CDYL: variants seen among roughly 807,000 people sequenced by gnomAD.
The protein encoded by CDYL is chromodomain Y-like protein.
A neutral mutation model predicts 47.3 loss-of-function variants in CDYL; 8 were observed. The observed-to-expected ratio is 0.17, with a 90% CI of 0.10 to 0.31. CDYL has a LOEUF of 0.31. Ranked by LOEUF, CDYL falls within the 10% of genes least tolerant of loss-of-function variation. CDYL has a pLI of 1.00. For missense variants in CDYL, 471 were observed against 701.4 expected, an observed-to-expected ratio of 0.67 and a Z score of 3.71; for synonymous variants, 266 against 265.0, an observed-to-expected ratio of 1.00 and a Z score of -0.04.
intron 1 of CDYL, among the ~76,000 whole-genome samples, chr6:4,805,104 T>C (rs1296895898): frequency 6.6e-6 from 1 of 152,194 alleles, no homozygotes; most frequent in Non-Finnish European, 1.5e-5. Context: ...TGAATAGGAA[T>C]AATATATAAA....
intron 4 of CDYL, among the ~76,000 whole-genome samples, chr6:4,941,654 C>G (rs1758363034): frequency 6.6e-6 from 1 of 152,202 alleles, no homozygotes; most frequent in Admixed American, 6.5e-5. Context: ...TTTCGACTTA[C>G]CAATATCTAT....
intron 1 of CDYL, among the ~76,000 whole-genome samples, chr6:4,831,563 CTCT>C (rs1760145000): frequency 6.6e-6 from 1 of 152,068 alleles, no homozygotes; most frequent in African/African-American, 2.4e-5. Flanking sequence ...GCGATGCGGG[CTCT>C]TTTTTGGTTC....
At chr6:4,880,801 A>T (rs1047677205) in intron 1 of CDYL, among the ~76,000 whole-genome samples, 1 of 152,064 alleles carries the variant, frequency 6.6e-6, no homozygotes, top group African/African-American at 2.4e-5. Flanking sequence ...ACATCTTTTC[A>T]TGTTTATTTG....
chr6:4,879,005 A>G (rs1002253864), intron 1 of CDYL, among the ~76,000 whole-genome samples: 1 of 152,062 alleles, frequency 6.6e-6, no homozygotes, highest in Non-Finnish European at 1.5e-5. Context: ...TTATTTCTAG[A>G]TATGATATTG....
At chr6:4,937,054 TC>T (rs1003597227) in intron 3 of CDYL, among the ~76,000 whole-genome samples, 1 of 152,198 alleles carries the variant, frequency 6.6e-6, no homozygotes, top group African/African-American at 2.4e-5. Flanking sequence ...ATGCAGATTC[TC>T]CAGTAATAAA....
At chr6:4,878,824 GT>G (rs1304610079) in intron 1 of CDYL, among the ~76,000 whole-genome samples, 1 of 150,350 alleles carries the variant, frequency 6.7e-6, no homozygotes, top group South Asian at 2.1e-4. Flanking sequence ...TTATTTTTCT[GT>G]TTTTTTCAAG....
intron 1 of CDYL, among the ~76,000 whole-genome samples, chr6:4,824,269 G>A (rs1229046417): frequency 6.6e-6 from 1 of 152,102 alleles, no homozygotes; most frequent in Non-Finnish European, 1.5e-5. Context: ...TGGGTTGCAT[G>A]GTGGATCATT....
chr6:4,933,035 A>G (rs964968993), intron 2 of CDYL, among the ~76,000 whole-genome samples: 1 of 152,138 alleles, frequency 6.6e-6, no homozygotes, highest in East Asian at 1.9e-4. Context: ...CTGCCCCTGC[A>G]GACACATCCT....
chr6:4,929,194 T>C (rs1757962374), intron 2 of CDYL, among the ~76,000 whole-genome samples: 1 of 152,182 alleles, frequency 6.6e-6, no homozygotes, highest in South Asian at 2.1e-4. Context: ...TGAAGGACAT[T>C]TATGCTGCAT....
chr6:4,769,285 T>A (rs1758301652), intron 3 of CDYL, among the ~76,000 whole-genome samples: 1 of 152,220 alleles, frequency 6.6e-6, no homozygotes, highest in Admixed American at 6.5e-5. Context: ...CTACTATATA[T>A]GCAATTTTTC....
In CDYL at chr6:4,813,197, G is replaced by C. The variant is rs570852669; in HGVS notation, c.24+36390G>C. ...TGCATCCATTTCATTTTCTCATCTG[G>C]TGTAGGCTGGGAACTTCCAGGACCA... On this transcript the variant is annotated intron_variant, in intron 1 of 6. Transcript: ENST00000397588. 5.3e-5 allele frequency among the ~76,000 whole-genome samples: 8 copies of C among 152,200 alleles called. No homozygotes were observed. In the South Asian group the frequency reaches 1.2e-3, roughly 24 times the overall value.
chr6:4,919,659 ATCCCTGTTTCT>A (rs1236843931), intron 2 of CDYL, among the ~76,000 whole-genome samples: 1 of 152,208 alleles, frequency 6.6e-6, no homozygotes, highest in Non-Finnish European at 1.5e-5. Flanking sequence ...ACCTCCTTGT[ATCCCTGTTTCT>A]CCATCCCAGG....
chr6:4,756,602 G>GTGTGTGTGTGTGTC (rs1561838035), intron 3 of CDYL, among the ~76,000 whole-genome samples: 2 of 151,890 alleles, frequency 1.3e-5, no homozygotes, highest in African/African-American at 4.8e-5. Context: ...GTGTGTGTGT[G>GTGTGTGTGTGTGTC]TGTGTGTGTG....
intron 1 of CDYL, among the ~76,000 whole-genome samples, chr6:4,784,605 C>T (rs968967573): frequency 4.6e-5 from 7 of 152,120 alleles, no homozygotes; most frequent in South Asian, 2.1e-4. Flanking sequence ...TGTCTTTGTT[C>T]GGCATGCCTT....
chr6:4,715,778 T>G (rs775077878), exon 2 of CDYL: 1 of 1,614,068 alleles, frequency 6.2e-7, no homozygotes. Context: ...GGAAGAATTT[T>G]ATGACATTTC....
intron 1 of CDYL, among the ~76,000 whole-genome samples, chr6:4,839,933 T>A (rs943309704): frequency 2.0e-5 from 3 of 151,958 alleles, no homozygotes; most frequent in African/African-American, 7.3e-5. Flanking sequence ...AATTTTAGGA[T>A]TTTTTTTCTA....
At chr6:4,948,530 C>T (rs926221300) in intron 5 of CDYL, among the ~76,000 whole-genome samples, 2 of 102,630 alleles carry the variant, frequency 1.9e-5, no homozygotes, top group Non-Finnish European at 4.9e-5. Flanking sequence ...GGGCAGTTTT[C>T]ACCCCCGACC....
intron 1 of CDYL, among the ~76,000 whole-genome samples, chr6:4,789,265 G>A (rs1022074583): frequency 1.3e-5 from 2 of 152,056 alleles, no homozygotes; most frequent in East Asian, 1.9e-4. Flanking sequence ...TAGTAGATAC[G>A]GGGTTTCGCC....
At chr6:4,930,218 TC>T (rs1342102462) in intron 2 of CDYL, among the ~76,000 whole-genome samples, 1 of 152,210 alleles carries the variant, frequency 6.6e-6, no homozygotes, top group African/African-American at 2.4e-5. Context: ...AATTGTTCTT[TC>T]CTCAAAAGTT....
Sources: allele counts gnomAD v4.1 joint callset (sites outside exome capture counted in the v4.1 genomes callset), GRCh38; gene constraint gnomAD v4.1.1; transcripts MANE v1.5; gene names NCBI Gene and HGNC (gene_info 2026-07-23, HGNC 2026-07-21).